Variants in SPDYE3 observed in about 807,000 individuals in gnomAD.
The protein encoded by SPDYE3 is speedy protein E3.
In SPDYE3, 15 loss-of-function variants were observed where a neutral mutation model predicts 55.0. The ratio of observed to expected loss-of-function variants is 0.27; its 90% CI spans 0.18 to 0.42. The LOEUF is 0.42. Ranked by LOEUF, SPDYE3 falls within the 10% of genes least tolerant of loss-of-function variation. The pLI is 1.00. For synonymous variants in SPDYE3, 89 were observed against 229.9 expected, an observed-to-expected ratio of 0.39 and a Z score of 5.55; for missense variants, 236 against 576.7, an observed-to-expected ratio of 0.41 and a Z score of 6.05.
Position 100,307,827 on chromosome 7 carries a change from A to T in SPDYE3, c.-59A>T. 1 of 1,530,552 alleles carries T rather than the reference A, an allele frequency of 6.5e-7. No individual in the cohort carries two copies. The highest frequency in any genetic ancestry group is 2.4e-5 in the East Asian group (1 of 40,948). The allele number at this position is 1,530,552 out of a possible 1,614,324, so 94.8% of individuals were successfully genotyped here. ...CTGGATCCCAGCAGTGTCCAGAAGAAGACCAAGGACAGAACAGAGACTAGC... is the reference window on the plus strand; with the variant it reads ...CTGGATCCCAGCAGTGTCCAGAAGATGACCAAGGACAGAACAGAGACTAGC... On this transcript the variant is annotated 5_prime_UTR_variant, in exon 1 of 11. It adds an upstream start codon to the 5' untranslated region. Transcript: ENST00000332397.
In SPDYE3 at chr7:100,320,943, C is replaced by T; in HGVS notation, c.*98C>T. The stretch of plus-strand genomic sequence containing the variant: ...TTTCAGCAGGAACTTTATTCCAGTG[C>T]TAATGGCAGACATCAGGAAGGAGGA... On this transcript the variant is annotated 3_prime_UTR_variant, in exon 11 of 11. Coordinates refer to ENST00000332397, the MANE Select transcript of SPDYE3 (RefSeq NM_001004351.5). 8.1e-7 allele frequency: 1 copy of T among 1,229,152 alleles called. No individual in the cohort carries two copies. The highest frequency in any genetic ancestry group is 1.1e-6 in the Non-Finnish European group (1 of 910,754). The allele number at this position is 1,229,152 out of a possible 1,614,324, so 76.1% of individuals were successfully genotyped here.
chr7:100,314,318 T>C, intron 5 of SPDYE3: 1 of 531,266 alleles, frequency 1.9e-6, no homozygotes, highest in Non-Finnish European at 3.3e-6. Flanking sequence ...CAGGGAACGA[T>C]ATGACGCAGT....
rs1441979392 is a variant in SPDYE3 at position 100,320,879 on chromosome 7, T to C, written c.*46-12T>C. ...TCTCCTTGAGGTGTGACATTGTCTC[T>C]CTCACTTCCAGAACACCGGACCCAG... is the stretch of plus-strand genomic sequence containing the variant. On this transcript the variant is annotated splice_polypyrimidine_tract_variant and intron_variant, in intron 10 of 10. Coordinates refer to ENST00000332397, the MANE Select transcript of SPDYE3 (RefSeq NM_001004351.5). 8.2e-7 allele frequency: 1 copy of C among 1,220,670 alleles called. No homozygotes were observed. Among genetic ancestry groups the C allele is most frequent in the East Asian group, 4.7e-5 (1 of 21,372 alleles). 75.6% of individuals were successfully genotyped at this position (1,220,670 alleles called of 1,614,324 possible). A position where few individuals can be genotyped will look rare whatever the true frequency, so the allele number is the denominator to read the frequency against.
At chr7:100,317,561 A>C (rs1357597636) in intron 8 of SPDYE3, among the ~76,000 whole-genome samples, 1 of 151,520 alleles carries the variant, frequency 6.6e-6, no homozygotes, top group Non-Finnish European at 1.5e-5. Context: ...GCTAAGGTTG[A>C]GCCACTGCAC....
chr7:100,316,934 A>G (rs1173508453), intron 7 of SPDYE3, 136 bp from the exon 8 acceptor site: 12 of 1,221,070 alleles, frequency 9.8e-6, no homozygotes, highest in Non-Finnish European at 2.4e-6. Flanking sequence ...CAATTTCCAC[A>G]TGAGCACAGT....
intron 3 of SPDYE3, among the ~76,000 whole-genome samples, chr7:100,311,492 A>G (rs1444095701): frequency 5.0e-5 from 7 of 138,796 alleles, no homozygotes; most frequent in Admixed American, 7.1e-5. Context: ...TCTCGAAACA[A>G]AAAAAAAAAA....
At chr7:100,308,084 C>T in intron 1 of SPDYE3, 93 bp downstream of exon 1, 1 of 1,414,162 alleles carries the variant, frequency 7.1e-7, no homozygotes, top group Non-Finnish European at 9.3e-7. Context: ...AACACCAACA[C>T]TTTGGGAGGC....
At chr7:100,320,296 C>T (rs1305461553) in intron 10 of SPDYE3, 51 of 1,082,700 alleles carry the variant, frequency 4.7e-5, no homozygotes, top group Middle Eastern at 3.4e-4. Flanking sequence ...CCAGCCGGGG[C>T]GACAGAGTGA....
chr7:100,320,591 C>CA (rs1480438002), intron 10 of SPDYE3: 1 of 1,000,384 alleles, frequency 1.0e-6, no homozygotes, highest in Non-Finnish European at 1.3e-6. Flanking sequence ...TGATGAAGTC[C>CA]AAAGCCACAT....
At chr7:100,309,513 C>CT (rs1333095277) in intron 2 of SPDYE3, among the ~76,000 whole-genome samples, 1 of 140,130 alleles carries the variant, frequency 7.1e-6, no homozygotes, top group African/African-American at 2.6e-5. Context: ...TGAGCTATGA[C>CT]TGCACCACTG....
At chr7:100,318,595 T>C (rs1426012558) in intron 8 of SPDYE3, among the ~76,000 whole-genome samples, 1 of 152,208 alleles carries the variant, frequency 6.6e-6, no homozygotes, top group African/African-American at 2.4e-5. Flanking sequence ...TGCATGCCCG[T>C]AGCTCTCCAG....
chr7:100,315,853 T>C lies in SPDYE3; in HGVS notation c.1260+10T>C. 1.3e-6 allele frequency: 2 copies of C among 1,599,946 alleles called. No homozygotes were observed. The highest frequency in any genetic ancestry group is 1.7e-6 in the Non-Finnish European group (2 of 1,179,688). On this transcript the variant is annotated intron_variant, in intron 7 of 10. Coordinates refer to ENST00000332397, the MANE Select transcript of SPDYE3 (RefSeq NM_001004351.5). Reference sequence around the variant, plus strand: ...GAGGGTGTCAGACAAGGTAAGGTTGTTCTCTATGTAACTGTGTTCCTGTTC... The same window carrying C: ...GAGGGTGTCAGACAAGGTAAGGTTGCTCTCTATGTAACTGTGTTCCTGTTC...
rs540493202 is a variant in SPDYE3, at chr7:100,312,928, T to C, written c.764-212T>C. ...GAGAGCCAGGGACCAGGGAACGATA[T>C]GTCGCAGTGTTCTGAGGACAGAGAG... On this transcript the variant is annotated intron_variant, in intron 4 of 10. Coordinates refer to ENST00000332397, the MANE Select transcript of SPDYE3 (RefSeq NM_001004351.5). Among the ~76,000 whole-genome samples, 4 of 149,490 alleles carry C rather than the reference T, an allele frequency of 2.7e-5. 1 individual carries two copies. Among genetic ancestry groups the C allele is most frequent in the Admixed American group, 2.0e-4 (3 of 15,004 alleles).
At chr7:100,316,436 T>C (rs1806107532) in intron 7 of SPDYE3, among the ~76,000 whole-genome samples, 1 of 152,204 alleles carries the variant, frequency 6.6e-6, no homozygotes, top group South Asian at 2.1e-4. Context: ...ACTAGGCACA[T>C]GCCACCATGC....
Position 100,315,767 on chromosome 7 carries a change from T to A in SPDYE3, c.1202-18T>A. 1 of 1,598,410 alleles carries A rather than the reference T, an allele frequency of 6.3e-7. No individual in the cohort carries two copies. ...CCCTGTCCTGCTTCTCACGCTGACATCTGCTCTCTAATCACAGAGGATCCT... is the reference window on the plus strand; with the variant it reads ...CCCTGTCCTGCTTCTCACGCTGACAACTGCTCTCTAATCACAGAGGATCCT... On this transcript the variant is annotated intron_variant, in intron 6 of 10. Transcript: ENST00000332397.
At chr7:100,320,238 A>G (rs1466102483) in intron 10 of SPDYE3, 33 of 1,243,902 alleles carry the variant, frequency 2.7e-5, no homozygotes, top group Non-Finnish European at 3.4e-5. Context: ...GGATCGCTGG[A>G]GCCTGGGAGG....
intron 7 of SPDYE3, among the ~76,000 whole-genome samples, chr7:100,316,804 C>T (rs1251452283): frequency 2.6e-5 from 4 of 152,114 alleles, no homozygotes; most frequent in African/African-American, 7.2e-5. Context: ...TGACACCAGC[C>T]GACCTAGACA....
intron 8 of SPDYE3, among the ~76,000 whole-genome samples, chr7:100,319,260 C>A (rs1450115842): frequency 1.3e-5 from 2 of 152,140 alleles, no homozygotes; most frequent in Non-Finnish European, 2.9e-5. Context: ...GTTGCCCAGG[C>A]CTGTCTCAAA....
In SPDYE3 at chr7:100,321,837, T is replaced by G. The variant is rs1344336514; in HGVS notation, c.*992T>G. The G allele has an allele frequency of 2.1e-5, 3 of 146,044 alleles. No homozygotes were observed. The East Asian group carries it at 5.8e-4, about 28-fold the overall frequency. 9.0% of individuals were successfully genotyped at this position (146,044 alleles called of 1,614,324 possible). A position where few individuals can be genotyped will look rare whatever the true frequency, so the allele number is the denominator to read the frequency against. On this transcript the variant is annotated 3_prime_UTR_variant, in exon 11 of 11. Transcript: ENST00000332397. Reference sequence around the variant, plus strand: ...TTTATTTATTTAAATATTTATTAAATATATTTATTTATTTAAATATTTATT... The same window carrying G: ...TTTATTTATTTAAATATTTATTAAAGATATTTATTTATTTAAATATTTATT...
Sources: allele counts gnomAD v4.1 joint callset (sites outside exome capture counted in the v4.1 genomes callset), GRCh38; gene constraint gnomAD v4.1.1; transcripts MANE v1.5; gene names NCBI Gene and HGNC (gene_info 2026-07-23, HGNC 2026-07-21).